Variants in CC2D2A observed in about 807,000 individuals in gnomAD.
CC2D2A encodes the protein coiled-coil and C2 domain containing 2A, also known as coiled-coil and C2 domain-containing protein 2A.
In CC2D2A, 155 loss-of-function variants were observed where a neutral mutation model predicts 212.9. The ratio of observed to expected loss-of-function variants is 0.73; its 90% CI spans 0.64 to 0.83. CC2D2A has a LOEUF of 0.83. Among genes scored for constraint, CC2D2A ranks in the 40% least tolerant of loss-of-function variants. CC2D2A has a pLI of 0.00. For missense variants in CC2D2A, 1,856 were observed against 1,956.2 expected (o/e 0.95, Z 0.97); for synonymous variants, 667 against 686.5 (o/e 0.97, Z 0.44).
At chr4:15,568,534 G>A (rs1215902380) in intron 26 of CC2D2A, among the ~76,000 whole-genome samples, 1 of 152,214 alleles carries the variant, frequency 6.6e-6, no homozygotes, top group East Asian at 1.9e-4. Context: ...GTTGCAGTGA[G>A]TCAAGATCAC....
At chr4:15,519,743 A>G in intron 11 of CC2D2A, 1 of 410,846 alleles carries the variant, frequency 2.4e-6, no homozygotes, top group Admixed American at 2.8e-5. Flanking sequence ...TAAAACAATC[A>G]GATCTCATAA....
At chr4:15,545,056 G>GT (rs1718638555) in intron 17 of CC2D2A, among the ~76,000 whole-genome samples, 2 of 152,166 alleles carry the variant, frequency 1.3e-5, no homozygotes, top group African/African-American at 4.8e-5. Context: ...TAATGGCATA[G>GT]TTTTTTAAGA....
At chr4:15,576,590 C>G (rs546470107) in intron 29 of CC2D2A, 1 of 154,276 alleles carries the variant, frequency 6.5e-6, no homozygotes, top group East Asian at 1.9e-4. Flanking sequence ...TTCTTTCTTT[C>G]TTGCCTCTGA....
Position 15,540,878 on chromosome 4 carries a change from T to C in CC2D2A, c.2045T>C (p.Val682Ala). ...SRREDVKKRS[V>A]YLKVLFNNKE... ...AGGGAGGATGTAAAGAAGCGCTCAG[T>C]GTACTTAAAAGTGCTGTTCAACAAC... Residue 682 changes from valine (V) to alanine (A), a missense_variant, in exon 17 of 37, where the codon GTG (valine) becomes GCG (alanine). Physicochemically the swap from Val to Ala is moderately conservative, Grantham distance 64 (BLOSUM62 0). Around this residue, in one of 5 missense-constraint regions of CC2D2A, gnomAD observed 1,512 missense variants for 1,579.3 expected, o/e 0.96. Coordinates refer to ENST00000424120, the MANE Select transcript of CC2D2A (RefSeq NM_001378615.1). 1 of 1,598,794 alleles carries C rather than the reference T, an allele frequency of 6.3e-7. No homozygotes were observed. The highest frequency in any genetic ancestry group is 8.5e-7 in the Non-Finnish European group (1 of 1,172,450).
chr4:15,567,780 C>T lies in CC2D2A; in HGVS notation c.3392C>T (p.Pro1131Leu). 6.3e-7 allele frequency: 1 copy of T among 1,583,144 alleles called. No homozygotes were observed. Among genetic ancestry groups the T allele is most frequent in the Non-Finnish European group, 8.6e-7 (1 of 1,167,222 alleles). ...NPSWNEELEL[P>L]FRAPNGDYST... ...AGCTGGAATGAAGAACTAGAACTTC[C>T]ATTTAGGTAAGCATATTTTCCTCTT... is the stretch of plus-strand genomic sequence containing the variant. The change falls in exon 26 of 37, where the codon CCA becomes CTA. Residue 1131 changes from proline to leucine, a missense_variant. Physicochemically the swap from Pro to Leu is moderately conservative, Grantham distance 98. Around this residue, in one of 5 missense-constraint regions of CC2D2A, gnomAD observed 1,512 missense variants for 1,579.3 expected, o/e 0.96. Transcript: ENST00000424120.
intron 4 of CC2D2A, among the ~76,000 whole-genome samples, chr4:15,489,073 T>G (rs1450216873): frequency 6.6e-6 from 1 of 152,248 alleles, no homozygotes; most frequent in Non-Finnish European, 1.5e-5. Flanking sequence ...CACAAATTTC[T>G]TCATTACTAA....
Position 15,490,177 on chromosome 4 carries a change from C to T in CC2D2A, c.247+9350C>T, listed in dbSNP as rs150601385. Among the ~76,000 whole-genome samples, 338 of 152,272 alleles carry T rather than the reference C, an allele frequency of 2.2e-3. 2 individuals are homozygous for T. The highest frequency in any genetic ancestry group is 7.7e-3 in the African/African-American group (319 of 41,548). The stretch of plus-strand genomic sequence containing the variant: ...TATAACTTACATATCATAAAATTCA[C>T]CCATTGTTAGTGTACAATTTAAGGA... On this transcript the variant is annotated intron_variant, in intron 4 of 36. Coordinates refer to ENST00000424120, the MANE Select transcript of CC2D2A (RefSeq NM_001378615.1).
chr4:15,531,300 G>A (rs1007557875), intron 13 of CC2D2A, among the ~76,000 whole-genome samples: 8 of 152,068 alleles, frequency 5.3e-5, no homozygotes, highest in African/African-American at 1.7e-4. Flanking sequence ...CCATCCCCAC[G>A]CATTGCCTGT....
At position 15,536,928 on chromosome 4, in the gene CC2D2A, CT is replaced by C; in HGVS notation, c.1617del (p.Asp540ThrfsTer17). On this transcript the variant is annotated frameshift_variant, in exon 15 of 37. Transcript: ENST00000424120. LOFTEE classifies it high-confidence loss of function. Reference protein sequence around the residue: ...PLKLVLRKEKADQKADEEAYE... With the variant: ...PLKLVLRKEKXDQKADEEAYE... ...TACAAATTATTTTAAAGGGAAAAAG[CT>C]GACCAGAAAGCAGATGAAGAAGCAT... 6.2e-7 allele frequency: 1 copy of C among 1,613,082 alleles called. No homozygotes were observed. The highest frequency in any genetic ancestry group is 8.5e-7 in the Non-Finnish European group (1 of 1,179,458).
intron 20 of CC2D2A, among the ~76,000 whole-genome samples, chr4:15,556,755 G>A (rs962046633): frequency 2.0e-5 from 3 of 152,186 alleles, no homozygotes; most frequent in African/African-American, 7.2e-5. Flanking sequence ...GCCTTCTTGA[G>A]ACAATGCACA....
intron 29 of CC2D2A, among the ~76,000 whole-genome samples, chr4:15,578,803 TGTTTG>T (rs779376395): frequency 0.034 from 3,894 of 114,028 alleles, 83 homozygotes; most frequent in Non-Finnish European, 0.054. Context: ...TTTGTTTGTT[TGTTTG>T]TTTGTTTGTT....
Position 15,524,281 on chromosome 4 carries a change from C to T in CC2D2A, c.1150-3166C>T, listed in dbSNP as rs182361388. 1.3e-4 allele frequency among the ~76,000 whole-genome samples: 19 copies of T among 151,576 alleles called. No individual in the cohort carries two copies. In the East Asian group the frequency reaches 3.5e-3, roughly 28 times the overall value. ...CCGAGTAGCTGGGATTATAGGCACCCGCCACCAAACCCGGCTAACTTTTGT... is the reference window on the plus strand; with the variant it reads ...CCGAGTAGCTGGGATTATAGGCACCTGCCACCAAACCCGGCTAACTTTTGT... On this transcript the variant is annotated intron_variant, in intron 11 of 36. Transcript: ENST00000424120.
intron 18 of CC2D2A, 36 bp from the exon 19 acceptor site, chr4:15,553,122 C>A: frequency 6.4e-7 from 1 of 1,552,898 alleles, no homozygotes; most frequent in South Asian, 1.3e-5. Context: ...GTCCCTCTTT[C>A]TAAACAGCAT....
chr4:15,586,479 G>A (rs1263154063), intron 31 of CC2D2A, among the ~76,000 whole-genome samples: 1 of 152,118 alleles, frequency 6.6e-6, no homozygotes, highest in Non-Finnish European at 1.5e-5. Flanking sequence ...CACTTCAGAT[G>A]TCTTAATGCT....
intron 33 of CC2D2A, among the ~76,000 whole-genome samples, chr4:15,590,042 G>A (rs1356808807): frequency 6.6e-6 from 1 of 152,120 alleles, no homozygotes; most frequent in East Asian, 1.9e-4. Context: ...TTTAAGAACT[G>A]AGGCAAATTT....
At chr4:15,566,760 G>A (rs574470372) in intron 24 of CC2D2A, among the ~76,000 whole-genome samples, 5 of 152,128 alleles carry the variant, frequency 3.3e-5, no homozygotes, top group East Asian at 1.9e-4. Flanking sequence ...TCACTTGAAC[G>A]CAGGAGTTCA....
intron 6 of CC2D2A, among the ~76,000 whole-genome samples, chr4:15,504,879 T>C (rs1013081020): frequency 1.3e-5 from 2 of 152,192 alleles, no homozygotes; most frequent in East Asian, 1.9e-4. Context: ...TCGTTCAATA[T>C]ACTGTTCATC....
chr4:15,523,696 C>A (rs1717338729), intron 11 of CC2D2A, among the ~76,000 whole-genome samples: 2 of 152,158 alleles, frequency 1.3e-5, no homozygotes, highest in African/African-American at 2.4e-5. Flanking sequence ...GGGCTAGGAC[C>A]AGGGATTTGA....
At chr4:15,486,894 C>T (rs541636509) in intron 4 of CC2D2A, among the ~76,000 whole-genome samples, 1 of 151,914 alleles carries the variant, frequency 6.6e-6, no homozygotes, top group Non-Finnish European at 1.5e-5. Context: ...TTTAATTCAT[C>T]ATTGACCCAA....
Sources: allele counts gnomAD v4.1 joint callset (sites outside exome capture counted in the v4.1 genomes callset), GRCh38; gene constraint gnomAD v4.1.1; regional missense constraint gnomAD v4.1.1; transcripts MANE v1.5; gene names NCBI Gene and HGNC (gene_info 2026-07-23, HGNC 2026-07-21).